Variants in FER observed in about 807,000 individuals in gnomAD.
FER encodes FER tyrosine kinase.
FER carries 63 observed loss-of-function variants against 111.0 expected under a neutral mutation model. The ratio of observed to expected loss-of-function variants is 0.57; its 90% CI spans 0.46 to 0.70. FER has a LOEUF of 0.70. FER is among the 30% of genes least tolerant of loss of function. The pLI, the probability that FER is intolerant of heterozygous loss-of-function variation, is 0.00. For missense variants in FER, 914 were observed against 954.0 expected, an observed-to-expected ratio of 0.96 and a Z score of 0.55; for synonymous variants, 327 against 313.9, an observed-to-expected ratio of 1.04 and a Z score of -0.44.
chr5:108,900,590 A>G (rs1041025195), intron 10 of FER, among the ~76,000 whole-genome samples: 1 of 152,214 alleles, frequency 6.6e-6, no homozygotes, highest in African/African-American at 2.4e-5. Flanking sequence ...ATCATGGAAA[A>G]TTGTGAAAAT....
At chr5:109,024,873 G>C (rs1415936607) in intron 13 of FER, among the ~76,000 whole-genome samples, 2 of 151,336 alleles carry the variant, frequency 1.3e-5, no homozygotes, top group Middle Eastern at 3.4e-3. Flanking sequence ...TTATTAAATA[G>C]GGAATCCTTT....
At chr5:109,156,351 CA>C (rs1755378844) in intron 17 of FER, among the ~76,000 whole-genome samples, 1 of 152,006 alleles carries the variant, frequency 6.6e-6, no homozygotes, top group South Asian at 2.1e-4. Context: ...ACACTACACT[CA>C]GGAAGAAGAC....
intron 13 of FER, among the ~76,000 whole-genome samples, chr5:109,027,221 G>A (rs961567787): frequency 6.6e-6 from 1 of 151,522 alleles, no homozygotes; most frequent in African/African-American, 2.4e-5. Context: ...AGTATTTTTT[G>A]TAATTAAGTC....
At chr5:109,007,395 A>C (rs1451844854) in intron 13 of FER, among the ~76,000 whole-genome samples, 1 of 152,212 alleles carries the variant, frequency 6.6e-6, no homozygotes, top group Non-Finnish European at 1.5e-5. Context: ...AAATTCATAT[A>C]GTTGTTTACC....
chr5:109,081,141 G>T (rs996718711), intron 16 of FER, among the ~76,000 whole-genome samples: 2 of 151,970 alleles, frequency 1.3e-5, no homozygotes, highest in Non-Finnish European at 2.9e-5. Context: ...GAAAAATTGG[G>T]CAAGTTGTCT....
At chr5:109,013,069 TA>T (rs1766515182) in intron 13 of FER, among the ~76,000 whole-genome samples, 1 of 150,754 alleles carries the variant, frequency 6.6e-6, no homozygotes, top group African/African-American at 2.4e-5. Context: ...TTTTTTTTTT[TA>T]ATTTAATTTA....
chr5:108,977,455 A>T (rs76213595), intron 13 of FER, among the ~76,000 whole-genome samples: 5 of 152,140 alleles, frequency 3.3e-5, no homozygotes, highest in African/African-American at 1.2e-4. Context: ...AATATTTTCC[A>T]ATGTATTTAA....
intron 10 of FER, among the ~76,000 whole-genome samples, chr5:108,943,384 T>C (rs1368813969): frequency 6.6e-6 from 1 of 152,230 alleles, no homozygotes; most frequent in Non-Finnish European, 1.5e-5. Flanking sequence ...TTATCCCTTC[T>C]GACTTCAAGA....
intron 13 of FER, among the ~76,000 whole-genome samples, chr5:108,962,175 G>A (rs1464901890): frequency 1.3e-5 from 2 of 152,066 alleles, no homozygotes; most frequent in African/African-American, 4.8e-5. Context: ...AAAACTAGTG[G>A]GTGCCTGAGC....
chr5:108,897,599 T>G, intron 9 of FER, 60 bp from the exon 10 acceptor site: 10 of 1,208,996 alleles, frequency 8.3e-6, no homozygotes, highest in South Asian at 2.2e-5. Context: ...TTTACATATA[T>G]GAGGTTTCCT....
At chr5:108,803,102 T>A (rs1248399935) in intron 3 of FER, among the ~76,000 whole-genome samples, 1 of 152,204 alleles carries the variant, frequency 6.6e-6, no homozygotes, top group Non-Finnish European at 1.5e-5. Context: ...TTAATGACGT[T>A]GAGCATTTTA....
At chr5:109,124,910 G>T (rs1380870788) in intron 17 of FER, among the ~76,000 whole-genome samples, 1 of 151,846 alleles carries the variant, frequency 6.6e-6, no homozygotes, top group Non-Finnish European at 1.5e-5. Context: ...GCCAGGCGTA[G>T]TGGCGGGCAC....
intron 17 of FER, among the ~76,000 whole-genome samples, chr5:109,110,885 G>A (rs532219863): frequency 2.0e-5 from 3 of 152,170 alleles, no homozygotes; most frequent in South Asian, 2.1e-4. Context: ...CTACTGGGAC[G>A]CTACTATATG....
intron 13 of FER, among the ~76,000 whole-genome samples, chr5:109,005,319 A>G (rs1303668603): frequency 6.6e-6 from 1 of 152,062 alleles, no homozygotes; most frequent in Non-Finnish European, 1.5e-5. Context: ...GAGAGAGGAT[A>G]GAAGGTGTTA....
At chr5:109,089,162 G>A (rs1283577060) in intron 16 of FER, among the ~76,000 whole-genome samples, 1 of 152,194 alleles carries the variant, frequency 6.6e-6, no homozygotes, top group African/African-American at 2.4e-5. Flanking sequence ...CTCACTGTAT[G>A]TATGTATTTG....
rs972209252 is a variant in FER at position 108,837,163 on chromosome 5, A to G, written c.481+1356A>G. Among the ~76,000 whole-genome samples the G allele has an allele frequency of 2.6e-5, 4 of 152,332 alleles. No homozygotes were observed. In the East Asian group the frequency reaches 7.7e-4, roughly 29 times the overall value. On this transcript the variant is annotated intron_variant, in intron 5 of 19. Transcript: ENST00000281092. ...AGTTCCAACATTGTGTGATTATTTC[A>G]TAGATTTTCAAACTTCCTATACCTA... is the stretch of plus-strand genomic sequence containing the variant.
chr5:108,780,538 T>G (rs1753949792), intron 2 of FER, among the ~76,000 whole-genome samples: 1 of 152,180 alleles, frequency 6.6e-6, no homozygotes, highest in South Asian at 2.1e-4. Flanking sequence ...TTTCAGGATT[T>G]TTTCTTTATC....
At chr5:108,885,355 C>T (rs755127117) in intron 9 of FER, among the ~76,000 whole-genome samples, 1 of 151,892 alleles carries the variant, frequency 6.6e-6, no homozygotes, top group Non-Finnish European at 1.5e-5. Context: ...TATACCACAT[C>T]AAATTTTAGA....
At chr5:108,769,248 A>C (rs1327912616) in intron 2 of FER, among the ~76,000 whole-genome samples, 1 of 152,158 alleles carries the variant, frequency 6.6e-6, no homozygotes, top group East Asian at 1.9e-4. Context: ...GATGAGACCT[A>C]TTATATGAGA....
Sources: allele counts gnomAD v4.1 joint callset (sites outside exome capture counted in the v4.1 genomes callset), GRCh38; gene constraint gnomAD v4.1.1; transcripts MANE v1.5; gene names NCBI Gene and HGNC (gene_info 2026-07-23, HGNC 2026-07-21).